QRFPR: variants seen among roughly 807,000 people sequenced by gnomAD.
QRFPR encodes pyroglutamylated RFamide peptide receptor.
Under a neutral mutation model 31.3 loss-of-function variants are expected in QRFPR, and 37 were observed. The observed-to-expected ratio is 1.18, with a 90% confidence interval of 0.91 to 1.56. QRFPR has a LOEUF of 1.56. QRFPR is among the 40% of genes most tolerant of loss of function. The probability of loss-of-function intolerance (pLI) is 0.00; values close to 1 mark genes in which losing one functional copy is unlikely to be tolerated. For synonymous variants in QRFPR, 197 were observed against 192.0 expected (o/e 1.03, Z -0.22); for missense variants, 542 against 532.5 (o/e 1.02, Z -0.18).
chr4:121,374,279 C>G (rs1213726482), intron 1 of QRFPR, among the ~76,000 whole-genome samples: 1 of 152,148 alleles, frequency 6.6e-6, no homozygotes, highest in African/African-American at 2.4e-5. Context: ...ATATAATCTA[C>G]TTTTGCATTT....
chr4:121,329,807 C>T, intron 5 of QRFPR, 93 bp from the exon 6 acceptor site: 3 of 949,734 alleles, frequency 3.2e-6, no homozygotes, highest in East Asian at 2.7e-5. Context: ...TAAACTTGTA[C>T]AAGTATCTGA....
intron 4 of QRFPR, 133 bp downstream of exon 4, chr4:121,332,688 C>T: frequency 1.5e-6 from 1 of 671,826 alleles, no homozygotes; most frequent in Non-Finnish European, 2.6e-6. Context: ...TAAAATCAGT[C>T]CATGCCCTAA....
chr4:121,376,337 A>C (rs1726352401), intron 1 of QRFPR, among the ~76,000 whole-genome samples: 1 of 152,200 alleles, frequency 6.6e-6, no homozygotes, highest in Non-Finnish European at 1.5e-5. Flanking sequence ...AAAGGAATTG[A>C]ATGTCAGCTT....
At chr4:121,351,399 C>T (rs149102467) in intron 1 of QRFPR, among the ~76,000 whole-genome samples, 2 of 152,134 alleles carry the variant, frequency 1.3e-5, no homozygotes, top group Admixed American at 1.3e-4. Context: ...TTCCCTAGTG[C>T]ACAATTTTGT....
chr4:121,378,670 G>A (rs1049715830), intron 1 of QRFPR, among the ~76,000 whole-genome samples: 2 of 151,902 alleles, frequency 1.3e-5, no homozygotes, highest in Admixed American at 6.5e-5. Context: ...TGATCCGCCC[G>A]CCTCGGCCTC....
At chr4:121,332,637 T>G (rs1250210471) in intron 4 of QRFPR, among the ~76,000 whole-genome samples, 184 bp downstream of exon 4, 1 of 152,178 alleles carries the variant, frequency 6.6e-6, no homozygotes, top group South Asian at 2.1e-4. Context: ...GAGCTGGTAG[T>G]CTTGTTGTTT....
intron 5 of QRFPR, 55 bp downstream of exon 5, chr4:121,330,371 A>G: frequency 8.3e-7 from 1 of 1,201,644 alleles, no homozygotes. Context: ...TTCATTGTCT[A>G]TTCTAGCAGG....
chr4:121,361,431 G>T (rs1725990090), intron 1 of QRFPR, among the ~76,000 whole-genome samples: 1 of 150,042 alleles, frequency 6.7e-6, no homozygotes, highest in Non-Finnish European at 1.5e-5. Context: ...CGCAGCCATG[G>T]TCTATTTGCT....
In QRFPR at chr4:121,331,714, G is replaced by T. The variant is rs13129176; in HGVS notation, c.797+1107C>A. On this transcript the variant is annotated intron_variant, in intron 4 of 5. Coordinates refer to ENST00000394427, the MANE Select transcript of QRFPR (RefSeq NM_198179.3). The stretch of plus-strand genomic sequence containing the variant: ...GTCACCCAGACTAGAGTGCAGTGGC[G>T]TGATCTCGGCTCACTGCAACCTCAG... 2.0e-5 allele frequency among the ~76,000 whole-genome samples: 3 copies of T among 151,238 alleles called. No homozygotes were observed. The East Asian group carries it at 5.8e-4, about 29-fold the overall frequency.
chr4:121,372,906 T>C (rs905079500), intron 1 of QRFPR, among the ~76,000 whole-genome samples: 2 of 152,162 alleles, frequency 1.3e-5, no homozygotes, highest in African/African-American at 4.8e-5. Flanking sequence ...CTTTCACACT[T>C]GGGCAAAAGA....
intron 1 of QRFPR, among the ~76,000 whole-genome samples, chr4:121,355,672 T>C (rs1395736249): frequency 6.6e-6 from 1 of 152,098 alleles, no homozygotes; most frequent in Non-Finnish European, 1.5e-5. Context: ...GAAGGTTTTC[T>C]GCTTTTCTGA....
chr4:121,329,911 GTTTA>G (rs1482565559), intron 5 of QRFPR, among the ~76,000 whole-genome samples, 197 bp from the exon 6 acceptor site: 1 of 152,140 alleles, frequency 6.6e-6, no homozygotes, highest in Non-Finnish European at 1.5e-5. Flanking sequence ...GAGAATCTAG[GTTTA>G]CATGCGTAGC....
intron 1 of QRFPR, among the ~76,000 whole-genome samples, chr4:121,345,940 A>G (rs540060263): frequency 2.6e-5 from 4 of 152,344 alleles, no homozygotes; most frequent in East Asian, 3.9e-4. Context: ...ATCTGAATGG[A>G]AAGGACAGAA....
intron 1 of QRFPR, among the ~76,000 whole-genome samples, chr4:121,344,620 C>T (rs115932885): frequency 0.019 from 2,870 of 152,148 alleles, 42 homozygotes; most frequent in South Asian, 0.042. Flanking sequence ...ACTTACTTAT[C>T]GTGGATATTT....
intron 1 of QRFPR, among the ~76,000 whole-genome samples, chr4:121,379,373 C>T (rs972740813): frequency 6.6e-6 from 1 of 152,120 alleles, no homozygotes; most frequent in African/African-American, 2.4e-5. Flanking sequence ...GCATAATGAT[C>T]TATTTCTCTT....
At chr4:121,358,312 G>A (rs1488730654) in intron 1 of QRFPR, among the ~76,000 whole-genome samples, 1 of 152,126 alleles carries the variant, frequency 6.6e-6, no homozygotes, top group Non-Finnish European at 1.5e-5. Flanking sequence ...GCTTTGTAAT[G>A]TTAGCTAATT....
At chr4:121,357,520 A>G (rs1488898828) in intron 1 of QRFPR, among the ~76,000 whole-genome samples, 1 of 152,200 alleles carries the variant, frequency 6.6e-6, no homozygotes. Flanking sequence ...GCTCAAAGGC[A>G]GATATTCAGA....
In QRFPR at chr4:121,336,789, A is replaced by C. The variant is rs1311781170; in HGVS notation, c.561+18T>G. On this transcript the variant is annotated intron_variant, in intron 3 of 5. Transcript: ENST00000394427. The stretch of plus-strand genomic sequence containing the variant: ...AAATAGTTCAACAATATGATTATAC[A>C]TCTCAACTGGAGTCTACCTCAAGTT... 1.3e-6 allele frequency: 2 copies of C among 1,585,994 alleles called. No individual in the cohort carries two copies. Among genetic ancestry groups the C allele is most frequent in the Non-Finnish European group, 1.7e-6 (2 of 1,154,316 alleles).
rs1560744079 is a variant in QRFPR, at chr4:121,365,602, A to AT, written c.340+14705_340+14706insA. Among the ~76,000 whole-genome samples, 51 of 12,876 alleles carry AT rather than the reference A, an allele frequency of 4.0e-3. 5 individuals are homozygous for AT. Among genetic ancestry groups the AT allele is most frequent in the African/African-American group, 0.013 (28 of 2,168 alleles). The allele number at this position is 12,876 out of a possible 152,430, so 8.4% of individuals were successfully genotyped here. On this transcript the variant is annotated intron_variant, in intron 1 of 5. Coordinates refer to ENST00000394427, the MANE Select transcript of QRFPR (RefSeq NM_198179.3). ...TATATTATATATATTATATATATAT[A>AT]ATATATATATTATATATATTATATA...
Sources: allele counts gnomAD v4.1 joint callset (sites outside exome capture counted in the v4.1 genomes callset), GRCh38; gene constraint gnomAD v4.1.1; transcripts MANE v1.5; gene names NCBI Gene and HGNC (gene_info 2026-07-23, HGNC 2026-07-21).